RAB38: variants seen among roughly 807,000 people sequenced by gnomAD.
The protein encoded by RAB38 is RAB38, member RAS oncogene family, also known as ras-related protein Rab-38.
Under a neutral mutation model 18.4 loss-of-function variants are expected in RAB38, and 15 were observed. The observed-to-expected ratio is 0.82, with a 90% CI of 0.55 to 1.26. RAB38 has a LOEUF of 1.26. RAB38 is among the 50% of genes most tolerant of loss of function. The probability of loss-of-function intolerance (pLI) is 0.00; values close to 1 mark genes in which losing one functional copy is unlikely to be tolerated. For synonymous variants in RAB38, 101 were observed against 104.4 expected (o/e 0.97, Z 0.20); for missense variants, 294 against 267.4 (o/e 1.10, Z -0.69).
chr11:87,829,801 A>T, the RAB38 span, among the ~76,000 whole-genome samples: 5 of 152,206 alleles, frequency 3.3e-5, no homozygotes, highest in Non-Finnish European at 7.3e-5. Flanking sequence ...AGTGAGGTAT[A>T]AGGACAGAGG....
chr11:87,820,941 C>T, the RAB38 span, among the ~76,000 whole-genome samples: 2 of 151,942 alleles, frequency 1.3e-5, no homozygotes, highest in Non-Finnish European at 2.9e-5. Context: ...TTATCTGAAA[C>T]TAGTATGAAG....
the RAB38 span, among the ~76,000 whole-genome samples, chr11:87,945,793 TA>T: frequency 6.6e-6 from 1 of 152,192 alleles, no homozygotes; most frequent in Non-Finnish European, 1.5e-5. Context: ...CTCGTAAATG[TA>T]AAAGCTGCCC....
the RAB38 span, among the ~76,000 whole-genome samples, chr11:87,878,222 T>TATACACACACAC: frequency 8.6e-6 from 1 of 116,154 alleles, no homozygotes; most frequent in African/African-American, 4.5e-5. Flanking sequence ...TATATATATA[T>TATACACACACAC]ACACACATAT....
the RAB38 span, among the ~76,000 whole-genome samples, chr11:87,904,816 G>A: frequency 1.3e-5 from 2 of 151,540 alleles, no homozygotes; most frequent in African/African-American, 4.8e-5. Context: ...TTTTGATAAG[G>A]TTGTAACATT....
chr11:88,150,322 A>G (rs1943048959), intron 1 of RAB38, among the ~76,000 whole-genome samples: 1 of 152,220 alleles, frequency 6.6e-6, no homozygotes, highest in Admixed American at 6.5e-5. Flanking sequence ...TCAAGTGTTC[A>G]GTAACTGCAT....
the RAB38 span, among the ~76,000 whole-genome samples, chr11:87,877,209 G>T: frequency 6.6e-6 from 1 of 151,436 alleles, no homozygotes; most frequent in African/African-American, 2.4e-5. Context: ...CACTGATTCT[G>T]TAAAGCCATA....
At chr11:87,939,890 C>A in the RAB38 span, among the ~76,000 whole-genome samples, 273 of 151,998 alleles carry the variant, frequency 1.8e-3, 2 homozygotes, top group Non-Finnish European at 3.2e-3. Context: ...GTGACATAGC[C>A]AGACCTTATC....
chr11:87,837,025 G>A, the RAB38 span, among the ~76,000 whole-genome samples: 18 of 152,110 alleles, frequency 1.2e-4, no homozygotes, highest in Non-Finnish European at 2.5e-4. Context: ...CTGTAAAATG[G>A]AGATATCAAG....
At chr11:87,966,134 G>T in the RAB38 span, among the ~76,000 whole-genome samples, 1 of 152,108 alleles carries the variant, frequency 6.6e-6, no homozygotes, top group African/African-American at 2.4e-5. Flanking sequence ...AAAGGCACCA[G>T]CCACAATTAC....
the RAB38 span, among the ~76,000 whole-genome samples, chr11:87,839,065 G>A: frequency 6.6e-6 from 1 of 152,172 alleles, no homozygotes; most frequent in Admixed American, 6.5e-5. Context: ...TCGGACACAA[G>A]AGAAATGTTA....
At chr11:88,075,119 T>C in the RAB38 span, among the ~76,000 whole-genome samples, 7 of 152,160 alleles carry the variant, frequency 4.6e-5, no homozygotes, top group African/African-American at 1.7e-4. Context: ...TCAACACCAT[T>C]CTCAGCAATG....
chr11:88,032,219 A>G, the RAB38 span, among the ~76,000 whole-genome samples: 9 of 152,332 alleles, frequency 5.9e-5, no homozygotes, highest in East Asian at 1.5e-3. Context: ...CACCTTATAC[A>G]AAAATCAATT....
At chr11:88,007,023 G>C in the RAB38 span, among the ~76,000 whole-genome samples, 2 of 151,708 alleles carry the variant, frequency 1.3e-5, no homozygotes. Context: ...TTCTCACAAA[G>C]AAATAATGTT....
chr11:88,051,585 C>A, the RAB38 span, among the ~76,000 whole-genome samples: 10 of 148,972 alleles, frequency 6.7e-5, no homozygotes, highest in Admixed American at 1.3e-4. Flanking sequence ...AGGATACAGT[C>A]AAAAATTAGT....
At chr11:88,027,045 C>A in the RAB38 span, among the ~76,000 whole-genome samples, 1 of 152,112 alleles carries the variant, frequency 6.6e-6, no homozygotes, top group South Asian at 2.1e-4. Flanking sequence ...TAAATTCATG[C>A]ATTAATTCAA....
chr11:88,154,171 A>G (rs1463090590), intron 1 of RAB38, among the ~76,000 whole-genome samples: 1 of 152,174 alleles, frequency 6.6e-6, no homozygotes, highest in Non-Finnish European at 1.5e-5. Context: ...TCTTGGAGAC[A>G]TTGTGAGGAA....
At chr11:87,873,774 A>G in the RAB38 span, among the ~76,000 whole-genome samples, 293 of 150,956 alleles carry the variant, frequency 1.9e-3, no homozygotes, top group African/African-American at 6.7e-3. Context: ...AATTTGTATT[A>G]TATTTCTTTC....
chr11:88,049,825 C>A, the RAB38 span, among the ~76,000 whole-genome samples: 1 of 152,158 alleles, frequency 6.6e-6, no homozygotes, highest in African/African-American at 2.4e-5. Context: ...AAAAATTCAC[C>A]GTCTGGGCCA....
the RAB38 span, among the ~76,000 whole-genome samples, chr11:87,822,482 G>T: frequency 6.6e-6 from 1 of 152,184 alleles, no homozygotes; most frequent in African/African-American, 2.4e-5. Flanking sequence ...GTGTTGACAG[G>T]TATAGTCATC....
Sources: allele counts gnomAD v4.1 joint callset (sites outside exome capture counted in the v4.1 genomes callset), GRCh38; gene constraint gnomAD v4.1.1; transcripts MANE v1.5; gene names NCBI Gene and HGNC (gene_info 2026-07-23, HGNC 2026-07-21).